The following DCAF6 variants were observed in gnomAD, a reference collection of about 807,000 sequenced individuals.
DCAF6 encodes DDB1 and CUL4 associated factor 6, also known as DDB1- and CUL4-associated factor 6.
DCAF6 carries 54 observed loss-of-function variants against 125.1 expected under a neutral mutation model. The observed-to-expected ratio is 0.43, with a 90% CI of 0.35 to 0.54. DCAF6 has a LOEUF of 0.54. Among genes scored for constraint, DCAF6 ranks in the 20% least tolerant of loss-of-function variants. The pLI, the probability that DCAF6 is intolerant of heterozygous loss-of-function variation, is 0.01. For missense variants in DCAF6, 934 were observed against 1,161.7 expected, an observed-to-expected ratio of 0.80 and a Z score of 2.85; for synonymous variants, 371 against 390.4, an observed-to-expected ratio of 0.95 and a Z score of 0.58.
At position 167,966,724 on chromosome 1, in the gene DCAF6, A is replaced by G; in HGVS notation, c.252+3A>G. On this transcript the variant is annotated splice_donor_region_variant and intron_variant, in intron 3 of 21. Transcript: ENST00000367840. ...TTAGTAATCCTTACAGCAGAAAGGT[A>G]AAGTAGTTTAAAAAATCTGTAATTT... 2.6e-6 allele frequency: 4 copies of G among 1,521,704 alleles called. No individual in the cohort carries two copies. Among genetic ancestry groups the G allele is most frequent in the Non-Finnish European group, 3.6e-6 (4 of 1,111,102 alleles). 94.3% of individuals were successfully genotyped at this position (1,521,704 alleles called of 1,614,324 possible). A position where few individuals can be genotyped will look rare whatever the true frequency, so the allele number is the denominator to read the frequency against.
the DCAF6 span, among the ~76,000 whole-genome samples, chr1:167,879,063 C>T: frequency 6.6e-6 from 1 of 152,202 alleles, no homozygotes; most frequent in Admixed American, 6.5e-5. Context: ...AATAAACCTT[C>T]ATTTGGCGAT....
At chr1:167,904,859 C>T in the DCAF6 span, 1 of 1,157,380 alleles carries the variant, frequency 8.6e-7, no homozygotes, top group Admixed American at 1.8e-5. Context: ...CTTGTGTTCT[C>T]AGTGGAGCAC....
chr1:167,946,469 C>T (rs1244626233), intron 1 of DCAF6, among the ~76,000 whole-genome samples: 1 of 152,140 alleles, frequency 6.6e-6, no homozygotes, highest in African/African-American at 2.4e-5. Context: ...GGAATGCTTT[C>T]ATCTTTTCCC....
In DCAF6 at chr1:167,956,695, T is replaced by C. The variant is rs116804234; in HGVS notation, c.159+4834T>C. Among the ~76,000 whole-genome samples the C allele has an allele frequency of 5.0e-3, 754 of 152,302 alleles. 5 individuals are homozygous for C. Among genetic ancestry groups the C allele is most frequent in the African/African-American group, 0.017 (707 of 41,568 alleles). On this transcript the variant is annotated intron_variant, in intron 2 of 21. Transcript: ENST00000367840. ...GTCTTTTCTAAAATAGAGGTTTCTTTGGTGCTGTAAATTTTCTTCTAAATA... is the reference window on the plus strand; with the variant it reads ...GTCTTTTCTAAAATAGAGGTTTCTTCGGTGCTGTAAATTTTCTTCTAAATA...
the DCAF6 span, among the ~76,000 whole-genome samples, chr1:167,881,661 C>T: frequency 6.6e-6 from 1 of 152,230 alleles, no homozygotes; most frequent in Non-Finnish European, 1.5e-5. Context: ...CCAAGTGCCT[C>T]ACACATATTA....
At chr1:167,992,907 G>A (rs1417711579) in intron 6 of DCAF6, among the ~76,000 whole-genome samples, 1 of 152,120 alleles carries the variant, frequency 6.6e-6, no homozygotes, top group Non-Finnish European at 1.5e-5. Context: ...AATTTGGGGG[G>A]AACTTTTGGA....
the DCAF6 span, chr1:167,893,769 T>G: frequency 1.3e-6 from 1 of 758,924 alleles, no homozygotes; most frequent in Non-Finnish European, 2.3e-6. Flanking sequence ...TAGTAGCTGC[T>G]GTTTTTTTTT....
At chr1:167,874,994 C>T in the DCAF6 span, 2 of 818,436 alleles carry the variant, frequency 2.4e-6, no homozygotes, top group Middle Eastern at 2.6e-4. Flanking sequence ...TGCTATTTTT[C>T]TATTTCTTAA....
At chr1:168,036,011 G>A (rs1177627386) in intron 12 of DCAF6, among the ~76,000 whole-genome samples, 2 of 152,074 alleles carry the variant, frequency 1.3e-5, no homozygotes, top group South Asian at 2.1e-4. Flanking sequence ...GCAGTGGGCC[G>A]AGATCGCGCC....
chr1:167,913,299 G>T, the DCAF6 span, among the ~76,000 whole-genome samples: 1 of 152,160 alleles, frequency 6.6e-6, no homozygotes, highest in Admixed American at 6.6e-5. Context: ...AGAAATTAGG[G>T]TTCGATTATA....
chr1:168,063,452 G>A (rs1390920692), intron 17 of DCAF6, among the ~76,000 whole-genome samples, 169 bp from the exon 18 acceptor site: 2 of 152,180 alleles, frequency 1.3e-5, no homozygotes, highest in African/African-American at 4.8e-5. Context: ...AACTCAACTA[G>A]TCTGACTTCT....
intron 17 of DCAF6, 96 bp from the exon 18 acceptor site, chr1:168,063,525 T>G: frequency 9.3e-7 from 1 of 1,074,548 alleles, no homozygotes; most frequent in Non-Finnish European, 1.3e-6. Flanking sequence ...AGTGTGTTTA[T>G]GTATTTCCTA....
chr1:167,944,907 A>G (rs1331422587), intron 1 of DCAF6, among the ~76,000 whole-genome samples: 1 of 152,168 alleles, frequency 6.6e-6, no homozygotes, highest in Non-Finnish European at 1.5e-5. Flanking sequence ...TATTAGTGAG[A>G]GATAAGAGTT....
At chr1:167,925,798 C>T in the DCAF6 span, among the ~76,000 whole-genome samples, 1 of 152,048 alleles carries the variant, frequency 6.6e-6, no homozygotes, top group Non-Finnish European at 1.5e-5. Flanking sequence ...CTGCCCGCCT[C>T]AGCCTCCCAA....
chr1:168,063,485 T>G, intron 17 of DCAF6, 136 bp from the exon 18 acceptor site: 2 of 620,554 alleles, frequency 3.2e-6, no homozygotes, highest in Non-Finnish European at 5.0e-6. Flanking sequence ...TGCGTTTTTA[T>G]GCTTTTGGTT....
intron 8 of DCAF6, among the ~76,000 whole-genome samples, chr1:168,003,302 G>C (rs1682893848): frequency 6.6e-6 from 1 of 152,020 alleles, no homozygotes; most frequent in African/African-American, 2.4e-5. Flanking sequence ...AAATACCCTT[G>C]GAAAAACTTG....
chr1:168,028,616 T>C (rs1572005248), intron 12 of DCAF6, among the ~76,000 whole-genome samples: 1 of 152,334 alleles, frequency 6.6e-6, no homozygotes. Flanking sequence ...GTCTTTGATG[T>C]TTGTGAAACA....
intron 1 of DCAF6, among the ~76,000 whole-genome samples, chr1:167,951,054 G>T (rs367555228): frequency 6.6e-6 from 1 of 152,158 alleles, no homozygotes; most frequent in African/African-American, 2.4e-5. Context: ...TCTTTTTCCT[G>T]CTTTATTTTT....
chr1:167,906,454 A>C, the DCAF6 span, among the ~76,000 whole-genome samples: 1 of 152,082 alleles, frequency 6.6e-6, no homozygotes, highest in Admixed American at 6.6e-5. Context: ...TCAAATAAAT[A>C]ACTTCAGATA....
Sources: allele counts gnomAD v4.1 joint callset (sites outside exome capture counted in the v4.1 genomes callset), GRCh38; gene constraint gnomAD v4.1.1; transcripts MANE v1.5; gene names NCBI Gene and HGNC (gene_info 2026-07-23, HGNC 2026-07-21).